The following KSR2 variants were observed in gnomAD, a reference collection of about 807,000 sequenced individuals.
The protein encoded by KSR2 is kinase suppressor of ras 2.
A neutral mutation model predicts 107.8 loss-of-function variants in KSR2; 25 were observed. The ratio of observed to expected loss-of-function variants is 0.23; its 90% CI spans 0.17 to 0.32. The LOEUF (loss-of-function observed/expected upper bound fraction) is 0.32. Ranked by LOEUF, KSR2 falls within the 10% of genes least tolerant of loss-of-function variation. The pLI is 1.00. For synonymous variants in KSR2, 480 were observed against 507.0 expected (o/e 0.95, Z 0.71); for missense variants, 887 against 1,268.9 (o/e 0.70, Z 4.57).
intron 1 of KSR2, among the ~76,000 whole-genome samples, chr12:117,916,230 C>G (rs996576853): frequency 2.6e-5 from 4 of 151,076 alleles, no homozygotes; most frequent in Non-Finnish European, 5.9e-5. Flanking sequence ...CCCGCCTCCC[C>G]AGTTCAAGCA....
chr12:117,623,821 G>C (rs11068581), intron 5 of KSR2, among the ~76,000 whole-genome samples: 7,274 of 152,208 alleles, frequency 0.048, 382 homozygotes, highest in South Asian at 0.14. Flanking sequence ...TTCCACAATG[G>C]TTGAACTAAT....
rs551742437 is a variant in KSR2 at position 117,517,700 on chromosome 12, C to CA, written c.2219+7151dup. On this transcript the variant is annotated intron_variant, in intron 14 of 19. Coordinates refer to ENST00000339824, the MANE Select transcript of KSR2 (RefSeq NM_173598.6). ...CAGCACAATTAAAGGCAGCCACAGACAAAAAACCTTTTCAGCTGTGCTTTA... is the reference window on the plus strand; with the variant it reads ...CAGCACAATTAAAGGCAGCCACAGACAAAAAAACCTTTTCAGCTGTGCTTTA... The CA allele has an allele frequency of 3.4e-4, 135 of 391,984 alleles. No individual in the cohort carries two copies. In the East Asian group the frequency reaches 8.0e-3, roughly 23 times the overall value. 24.3% of individuals were successfully genotyped at this position (391,984 alleles called of 1,614,324 possible). A position where few individuals can be genotyped will look rare whatever the true frequency, so the allele number is the denominator to read the frequency against.
intron 7 of KSR2, among the ~76,000 whole-genome samples, chr12:117,575,418 G>A (rs1879222610): frequency 6.6e-6 from 1 of 152,156 alleles, no homozygotes; most frequent in Non-Finnish European, 1.5e-5. Flanking sequence ...TTCCATAGGT[G>A]TGTCTCCTGT....
chr12:117,850,674 G>C (rs1294511250), intron 3 of KSR2, among the ~76,000 whole-genome samples: 2 of 152,114 alleles, frequency 1.3e-5, no homozygotes, highest in African/African-American at 4.8e-5. Flanking sequence ...GCCAGGCATG[G>C]TGGCACACGC....
chr12:117,839,615 T>C (rs1024836007), intron 3 of KSR2, among the ~76,000 whole-genome samples: 20 of 152,276 alleles, frequency 1.3e-4, no homozygotes, highest in African/African-American at 4.8e-4. Context: ...ATATGGGAGA[T>C]TTAGATATCA....
At position 117,693,493 on chromosome 12, in the gene KSR2, G is replaced by A. The variant is rs1199235894; in HGVS notation, c.987-25835C>T. Among the ~76,000 whole-genome samples the A allele has an allele frequency of 2.6e-5, 4 of 152,270 alleles. No individual in the cohort carries two copies. The South Asian group carries it at 8.3e-4, about 32-fold the overall frequency. On this transcript the variant is annotated intron_variant, in intron 4 of 19. Coordinates refer to ENST00000339824, the MANE Select transcript of KSR2 (RefSeq NM_173598.6). ...CCTCCTCCCCCACATCTCTGCTCAG[G>A]TCACTGAAGATGGGTGGCTGCTTCA...
intron 3 of KSR2, among the ~76,000 whole-genome samples, chr12:117,833,451 C>A (rs1892062114): frequency 6.6e-6 from 1 of 152,170 alleles, no homozygotes; most frequent in African/African-American, 2.4e-5. Flanking sequence ...CAGCCTCAAA[C>A]ACCTAGGCTC....
At chr12:117,566,551 G>A (rs1003816437) in intron 7 of KSR2, among the ~76,000 whole-genome samples, 1 of 152,182 alleles carries the variant, frequency 6.6e-6, no homozygotes, top group African/African-American at 2.4e-5. Context: ...CCATGTTCGT[G>A]CAAAGGACAT....
intron 3 of KSR2, among the ~76,000 whole-genome samples, chr12:117,826,342 G>A (rs1307345224): frequency 6.6e-6 from 1 of 152,022 alleles, no homozygotes; most frequent in Non-Finnish European, 1.5e-5. Context: ...CAGCAGTCCT[G>A]CTGTGCAGCC....
intron 4 of KSR2, among the ~76,000 whole-genome samples, chr12:117,742,361 G>T (rs751970020): frequency 6.6e-6 from 1 of 152,202 alleles, no homozygotes; most frequent in Admixed American, 6.5e-5. Flanking sequence ...CAATGTGAAT[G>T]TTCTGATGTT....
At chr12:117,549,271 AG>A (rs1161888977) in intron 9 of KSR2, among the ~76,000 whole-genome samples, 1 of 152,210 alleles carries the variant, frequency 6.6e-6, no homozygotes, top group African/African-American at 2.4e-5. Context: ...CACTTGGCCC[AG>A]GGGGCAGGTG....
chr12:117,793,975 A>G (rs553702291), intron 3 of KSR2, among the ~76,000 whole-genome samples: 21 of 124,970 alleles, frequency 1.7e-4, no homozygotes, highest in Non-Finnish European at 4.8e-5. Flanking sequence ...ATGCACACAC[A>G]CCATGCACAC....
chr12:117,467,417 A>C (rs1644693515), intron 19 of KSR2, among the ~76,000 whole-genome samples: 1 of 152,258 alleles, frequency 6.6e-6, no homozygotes, highest in South Asian at 2.1e-4. Flanking sequence ...GCCTGAGATG[A>C]GCCTGCAATA....
chr12:117,892,177 C>T (rs1009237860), intron 1 of KSR2, among the ~76,000 whole-genome samples: 1 of 151,226 alleles, frequency 6.6e-6, no homozygotes, highest in Admixed American at 6.6e-5. Flanking sequence ...ATGGTGGGCA[C>T]CTGTAATCCC....
At chr12:117,594,848 G>A (rs10850850) in intron 5 of KSR2, among the ~76,000 whole-genome samples, 21,703 of 152,144 alleles carry the variant, frequency 0.14, 4,080 homozygotes, top group African/African-American at 0.43. Flanking sequence ...CACAACTTGA[G>A]GGGGAGGAGT....
At chr12:117,526,467 A>T (rs1056585402) in intron 13 of KSR2, among the ~76,000 whole-genome samples, 1 of 152,204 alleles carries the variant, frequency 6.6e-6, no homozygotes, top group Non-Finnish European at 1.5e-5. Flanking sequence ...CCCTGATGGC[A>T]CATTCAGGAG....
At chr12:117,919,154 T>C (rs1371987117) in intron 1 of KSR2, among the ~76,000 whole-genome samples, 1 of 152,078 alleles carries the variant, frequency 6.6e-6, no homozygotes, top group Admixed American at 6.6e-5. Context: ...AATAAATAAA[T>C]AAACAAACAA....
intron 4 of KSR2, among the ~76,000 whole-genome samples, chr12:117,697,046 C>T (rs1886092206): frequency 6.6e-6 from 1 of 152,174 alleles, no homozygotes; most frequent in Admixed American, 6.5e-5. Context: ...TATTTCAATG[C>T]GCCTTTAACC....
At chr12:117,599,992 C>G (rs952159426) in intron 5 of KSR2, among the ~76,000 whole-genome samples, 1 of 152,174 alleles carries the variant, frequency 6.6e-6, no homozygotes, top group Admixed American at 6.5e-5. Context: ...CCTCCCAGGT[C>G]GGTCAAGCTG....
Sources: gnomAD v4.1 joint callset for allele counts (sites outside exome capture counted in the v4.1 genomes callset) on GRCh38, gnomAD v4.1.1 for gene constraint, MANE v1.5 for transcripts, NCBI Gene and HGNC (gene_info 2026-07-23, HGNC 2026-07-21) for gene names.